Variants in GPHN observed in about 807,000 individuals in gnomAD.
The protein encoded by GPHN is gephyrin.
In GPHN, 17 loss-of-function variants were observed where a neutral mutation model predicts 95.5. That is an observed-to-expected ratio of 0.18 (90% CI 0.12 to 0.27). GPHN has a LOEUF of 0.27. Among genes scored for constraint, GPHN ranks in the 10% least tolerant of loss-of-function variants. The pLI is 1.00. For synonymous variants in GPHN, 320 were observed against 322.5 expected, an observed-to-expected ratio of 0.99 and a Z score of 0.08; for missense variants, 660 against 978.1, an observed-to-expected ratio of 0.67 and a Z score of 4.34.
At chr14:67,656,447 T>C in the GPHN span, 2 of 1,613,524 alleles carry the variant, frequency 1.2e-6, no homozygotes, top group Non-Finnish European at 1.7e-6. Context: ...CTGGTCTCGT[T>C]GTTCCCCCAG....
chr14:66,927,031 T>G (rs2066517902), intron 8 of GPHN, among the ~76,000 whole-genome samples: 2 of 152,154 alleles, frequency 1.3e-5, no homozygotes, highest in Admixed American at 1.3e-4. Flanking sequence ...TAATTTCTTT[T>G]TCATATTGTT....
the GPHN span, among the ~76,000 whole-genome samples, chr14:67,237,771 C>A: frequency 6.6e-6 from 1 of 152,138 alleles, no homozygotes; most frequent in South Asian, 2.1e-4. Context: ...CCTGGTTTTA[C>A]AGTTAGGCTT....
intron 1 of GPHN, among the ~76,000 whole-genome samples, chr14:66,539,609 TGGTCAGG>T (rs200155080): frequency 3.3e-5 from 5 of 151,684 alleles, no homozygotes; most frequent in South Asian, 4.2e-4. Flanking sequence ...AGACGGGTGT[TGGTCAGG>T]CTTCGTGTTG....
At chr14:67,589,289 A>AAACT in the GPHN span, 1 of 943,678 alleles carries the variant, frequency 1.1e-6, no homozygotes, top group Non-Finnish European at 1.3e-6. Context: ...TATACAGAAG[A>AAACT]AACTAACTTA....
the GPHN span, among the ~76,000 whole-genome samples, chr14:67,451,533 CA>C: frequency 3.1e-3 from 469 of 152,344 alleles, 5 homozygotes; most frequent in Non-Finnish European, 3.8e-3. Context: ...GACATGGAAT[CA>C]AAAGAGATCA....
At chr14:66,985,647 A>C in intron 9 of GPHN, 1 of 1,423,598 alleles carries the variant, frequency 7.0e-7, no homozygotes, top group Non-Finnish European at 9.5e-7. Flanking sequence ...CTTTTTCTTT[A>C]TTCTGTCTTT....
chr14:67,045,565 G>T (rs2074968695), intron 10 of GPHN, among the ~76,000 whole-genome samples: 1 of 138,844 alleles, frequency 7.2e-6, no homozygotes. Flanking sequence ...CTGTCTCTCT[G>T]TCTCCCCCTC....
chr14:67,261,955 G>A, the GPHN span, among the ~76,000 whole-genome samples: 3 of 152,056 alleles, frequency 2.0e-5, no homozygotes, highest in Admixed American at 6.6e-5. Flanking sequence ...AAAAAGGATG[G>A]GATTTTGAAG....
chr14:66,746,513 T>A (rs2058156038), intron 2 of GPHN, among the ~76,000 whole-genome samples: 1 of 152,148 alleles, frequency 6.6e-6, no homozygotes, highest in Non-Finnish European at 1.5e-5. Context: ...CTTGTAGATC[T>A]GTTCTTAGCT....
chr14:66,995,990 T>C (rs1485519505), intron 9 of GPHN, among the ~76,000 whole-genome samples: 2 of 152,206 alleles, frequency 1.3e-5, no homozygotes, highest in African/African-American at 2.4e-5. Context: ...AAGGTATTTT[T>C]TGTCACAAAG....
chr14:66,708,709 T>C (rs546660962), intron 2 of GPHN, among the ~76,000 whole-genome samples: 1 of 152,230 alleles, frequency 6.6e-6, no homozygotes, highest in African/African-American at 2.4e-5. Context: ...TTTAGAAGTA[T>C]GCCAAAGTGT....
chr14:67,390,640 A>G, the GPHN span: 1 of 1,547,670 alleles, frequency 6.5e-7, no homozygotes, highest in Non-Finnish European at 8.9e-7. Context: ...TGGGACCAAC[A>G]TGGAGCCAGC....
At chr14:66,850,410 C>T (rs1283755224) in intron 4 of GPHN, among the ~76,000 whole-genome samples, 1 of 152,138 alleles carries the variant, frequency 6.6e-6, no homozygotes, top group Non-Finnish European at 1.5e-5. Flanking sequence ...TCAACTTCCT[C>T]TTAAGCATTC....
the GPHN span, among the ~76,000 whole-genome samples, chr14:67,242,905 A>G: frequency 1.3e-5 from 2 of 152,210 alleles, no homozygotes; most frequent in African/African-American, 4.8e-5. Context: ...GAGAGAATAT[A>G]TAAGTTCTAC....
At chr14:67,201,371 G>T in the GPHN span, 1 of 444,244 alleles carries the variant, frequency 2.3e-6, no homozygotes, top group Admixed American at 2.5e-5. Context: ...GAGCCCCAGG[G>T]CATCAGCTCA....
the GPHN span, chr14:67,594,012 CA>C: frequency 3.6e-6 from 4 of 1,113,556 alleles, no homozygotes; most frequent in Non-Finnish European, 5.4e-6. Flanking sequence ...CAACTCCAGG[CA>C]ATGAGGGGAA....
At chr14:66,709,855 T>G (rs1290388083) in intron 2 of GPHN, among the ~76,000 whole-genome samples, 1 of 152,078 alleles carries the variant, frequency 6.6e-6, no homozygotes, top group Non-Finnish European at 1.5e-5. Context: ...AGGGAATACT[T>G]AGTAAGGAGA....
intron 1 of GPHN, among the ~76,000 whole-genome samples, chr14:66,645,440 G>A (rs925944490): frequency 7.2e-4 from 110 of 151,934 alleles, no homozygotes; most frequent in African/African-American, 2.3e-3. Context: ...TAATCCCAGC[G>A]CTTTGGGAGG....
At chr14:67,558,341 A>G in the GPHN span, among the ~76,000 whole-genome samples, 2 of 151,928 alleles carry the variant, frequency 1.3e-5, no homozygotes, top group African/African-American at 4.8e-5. Flanking sequence ...TTCCAACCAT[A>G]ATGGGCAGAT....
Sources: gnomAD v4.1 joint callset for allele counts (sites outside exome capture counted in the v4.1 genomes callset) on GRCh38, gnomAD v4.1.1 for gene constraint, MANE v1.5 for transcripts, NCBI Gene and HGNC (gene_info 2026-07-23, HGNC 2026-07-21) for gene names.